The following ZFP82 variants were observed in gnomAD, a reference collection of about 807,000 sequenced individuals.
The protein encoded by ZFP82 is ZFP82 zinc finger protein.
In ZFP82, 30 loss-of-function variants were observed where a neutral mutation model predicts 54.0. The observed-to-expected ratio is 0.56, with a 90% CI of 0.42 to 0.75. The LOEUF is 0.75. Ranked by LOEUF, ZFP82 falls within the 30% of genes least tolerant of loss-of-function variation. The pLI, the probability that ZFP82 is intolerant of heterozygous loss-of-function variation, is 0.00. For synonymous variants in ZFP82, 194 were observed against 209.5 expected, an observed-to-expected ratio of 0.93 and a Z score of 0.64; for missense variants, 500 against 636.8, an observed-to-expected ratio of 0.79 and a Z score of 2.31.
rs1411217957 is a variant in ZFP82, at chr19:36,392,965, A to C, written c.1375T>G (p.Phe459Val). 6.2e-7 allele frequency: 1 copy of C among 1,614,118 alleles called. No individual in the cohort carries two copies. The highest frequency in any genetic ancestry group is 8.5e-7 in the Non-Finnish European group (1 of 1,180,002). ...PYKCKECGKA[F>V]RLRQKLTLHQ... Reference sequence around the variant, plus strand: ...AGAGTAAGTTTTTGGCGCAATCTAAAGGCCTTGCCACATTCCTTACATTTA... The same window carrying C: ...AGAGTAAGTTTTTGGCGCAATCTAACGGCCTTGCCACATTCCTTACATTTA... Residue 459 changes from phenylalanine (F) to valine (V), a missense_variant, in exon 5 of 5, where the codon TTT (phenylalanine) becomes GTT (valine). By Grantham distance (50) the Phe-to-Val change is conservative (BLOSUM62 -1). Coordinates refer to ENST00000392161, the MANE Select transcript of ZFP82 (RefSeq NM_133466.4).
intron 3 of ZFP82, 94 bp from the exon 4 acceptor site, chr19:36,405,766 GTAAT>G (rs3830547): frequency 0.18 from 137,601 of 763,046 alleles, 14,516 homozygotes; most frequent in Admixed American, 0.2. Context: ...TGTCAAAACA[GTAAT>G]TAATAAGGCA....
chr19:36,400,339 A>T (rs2145586294), intron 4 of ZFP82, among the ~76,000 whole-genome samples: 1 of 152,328 alleles, frequency 6.6e-6, no homozygotes, highest in South Asian at 2.1e-4. Flanking sequence ...AAGTTCTGGG[A>T]TATAGAAGAT....
In ZFP82 at chr19:36,393,022, G is replaced by A; in HGVS notation, c.1318C>T (p.His440Tyr). Residue 440 changes from histidine (H) to tyrosine (Y), a missense_variant, in exon 5 of 5, where the codon CAT becomes TAT. His to Tyr is a moderately conservative substitution (Grantham distance 83). Coordinates refer to ENST00000392161, the MANE Select transcript of ZFP82 (RefSeq NM_133466.4). ...AFRLLSQLTQ[H>Y]QSIHIGEKPY... ...TTCTCACCAATATGAATACTCTGAT[G>A]CTGTGTGAGTTGTGAAAGTAGTCTG... 6.2e-7 allele frequency: 1 copy of A among 1,614,188 alleles called. No individual in the cohort carries two copies. The highest frequency in any genetic ancestry group is 8.5e-7 in the Non-Finnish European group (1 of 1,180,030).
At position 36,405,506 on chromosome 19, in the gene ZFP82, T is replaced by C. The variant is rs185511150; in HGVS notation, c.229+74A>G. ...TTTCAAGAGGGCTTTCTAAACAACA[T>C]AAGGATGTGTCTCTTCCCCAGTGAT... On this transcript the variant is annotated intron_variant, in intron 4 of 4. Coordinates refer to ENST00000392161, the MANE Select transcript of ZFP82 (RefSeq NM_133466.4). 196 of 1,144,776 alleles carry C rather than the reference T, an allele frequency of 1.7e-4. No individual in the cohort carries two copies. In the African/African-American group the frequency reaches 2.7e-3, roughly 16 times the overall value. The allele number at this position is 1,144,776 out of a possible 1,614,324, so 70.9% of individuals were successfully genotyped here. A position where few individuals can be genotyped will look rare whatever the true frequency, so the allele number is the denominator to read the frequency against.
chr19:36,407,814 T>C, intron 3 of ZFP82, 73 bp downstream of exon 3: 2 of 1,514,360 alleles, frequency 1.3e-6, no homozygotes, highest in South Asian at 2.5e-5. Context: ...TAAAAGATAC[T>C]CTTGAAATTT....
intron 1 of ZFP82, among the ~76,000 whole-genome samples, chr19:36,417,325 G>A (rs1302067338): frequency 6.6e-6 from 1 of 152,020 alleles, no homozygotes; most frequent in Non-Finnish European, 1.5e-5. Context: ...TTAAAAGAAG[G>A]CCCACAGAAG....
At chr19:36,403,004 G>C (rs933557039) in intron 4 of ZFP82, among the ~76,000 whole-genome samples, 1 of 151,790 alleles carries the variant, frequency 6.6e-6, no homozygotes, top group Non-Finnish European at 1.5e-5. Context: ...TTAGCCGGGC[G>C]TGGTGGCGGG....
At chr19:36,383,405 T>G (rs186164831) in exon 2 of ZFP82, 3 of 151,550 alleles carry the variant, frequency 2.0e-5, no homozygotes, top group African/African-American at 7.3e-5. Context: ...TAGCAGATAT[T>G]TCTAATAAAA....
chr19:36,389,604 T>C lies in ZFP82; in HGVS notation c.*3137A>G, dbSNP rs531366480. Among the ~76,000 whole-genome samples, 39 of 152,358 alleles carry C rather than the reference T, an allele frequency of 2.6e-4. No homozygotes were observed. In the South Asian group the frequency reaches 4.3e-3, roughly 17 times the overall value. ...TCATACACATATACCCATAATGCCA[T>C]AGTCATGCCTAACATATGAACAATA... On this transcript the variant is annotated 3_prime_UTR_variant, in exon 5 of 5. Coordinates refer to ENST00000392161, the MANE Select transcript of ZFP82 (RefSeq NM_133466.4).
At chr19:36,385,825 A>G (rs1402773778), downstream of ZFP82, among the ~76,000 whole-genome samples, 1 of 152,236 alleles carries the variant, frequency 6.6e-6, no homozygotes, top group Non-Finnish European at 1.5e-5. Context: ...ATGAACTAAT[A>G]TGTGGTGGAA....
chr19:36,386,296 A>C, downstream of ZFP82, among the ~76,000 whole-genome samples: 1 of 152,198 alleles, frequency 6.6e-6, no homozygotes, highest in East Asian at 1.9e-4. Context: ...TGGCAGCATC[A>C]ATGTGGTGCT....
At chr19:36,400,906 C>T (rs1374988281) in intron 4 of ZFP82, among the ~76,000 whole-genome samples, 1 of 152,174 alleles carries the variant, frequency 6.6e-6, no homozygotes, top group African/African-American at 2.4e-5. Context: ...TCCACTTGGG[C>T]TTTCATCCTG....
downstream of ZFP82, chr19:36,384,297 T>C (rs1223609536): frequency 1.3e-5 from 2 of 152,178 alleles, no homozygotes; most frequent in Non-Finnish European, 2.9e-5. Flanking sequence ...TTCTATTCTA[T>C]TGAAAAGTAT....
Position 36,402,197 on chromosome 19 carries a change from A to G in ZFP82, c.229+3383T>C, listed in dbSNP as rs771653824. Among the ~76,000 whole-genome samples, 2 of 152,318 alleles carry G rather than the reference A, an allele frequency of 1.3e-5. 1 individual carries two copies. Among genetic ancestry groups the G allele is most frequent in the Middle Eastern group, 6.8e-3 (2 of 294 alleles). ...TAAAATAGATTAGGAGGCCGGGCAC[A>G]GTGGCTCACGCCTGTAATCCCAGCA... On this transcript the variant is annotated intron_variant, in intron 4 of 4. Transcript: ENST00000392161.
At chr19:36,412,095 A>AGAGAGTGT (rs140396966) in intron 1 of ZFP82, among the ~76,000 whole-genome samples, 1 of 150,938 alleles carries the variant, frequency 6.6e-6, no homozygotes, top group Non-Finnish European at 1.5e-5. Context: ...AGAGAGAGAG[A>AGAGAGTGT]GTGTGCGTGT....
intron 2 of ZFP82, among the ~76,000 whole-genome samples, chr19:36,408,271 G>GA (rs201701147): frequency 9.9e-4 from 150 of 150,836 alleles, no homozygotes; most frequent in African/African-American, 3.3e-3. Flanking sequence ...TCCTGGGAAA[G>GA]AAAAAAAAAT....
chr19:36,411,248 C>A (rs1002394948), intron 1 of ZFP82, among the ~76,000 whole-genome samples: 3 of 151,830 alleles, frequency 2.0e-5, no homozygotes, highest in African/African-American at 7.3e-5. Flanking sequence ...AGTAGCAAAG[C>A]TGCATTTGGA....
chr19:36,417,829 G>C (rs2032698892), intron 1 of ZFP82, among the ~76,000 whole-genome samples: 1 of 152,192 alleles, frequency 6.6e-6, no homozygotes, highest in South Asian at 2.1e-4. Flanking sequence ...CACGTGCGTG[G>C]GTCCGGGTCC....
At chr19:36,416,485 G>A (rs112325629) in intron 1 of ZFP82, among the ~76,000 whole-genome samples, 24,070 of 152,128 alleles carry the variant, frequency 0.16, 2,248 homozygotes, top group South Asian at 0.3. Context: ...GGCCGGGCAC[G>A]GTGGCTCATG....
Sources: allele counts gnomAD v4.1 joint callset (sites outside exome capture counted in the v4.1 genomes callset), GRCh38; gene constraint gnomAD v4.1.1; transcripts MANE v1.5; gene names NCBI Gene and HGNC (gene_info 2026-07-23, HGNC 2026-07-21).